Variants in RSPO2 observed in about 807,000 individuals in gnomAD.
RSPO2 encodes the protein R-spondin 2.
A neutral mutation model predicts 30.9 loss-of-function variants in RSPO2; 14 were observed. The observed-to-expected ratio is 0.45, with a 90% CI of 0.30 to 0.71. RSPO2 has a LOEUF of 0.71. RSPO2 is among the 30% of genes least tolerant of loss of function. The pLI, the probability that RSPO2 is intolerant of heterozygous loss-of-function variation, is 0.08. For synonymous variants in RSPO2, 107 were observed against 96.4 expected (o/e 1.11, Z -0.64); for missense variants, 264 against 301.9 (o/e 0.87, Z 0.93).
chr8:107,997,309 A>C (rs1164198257), intron 2 of RSPO2: 7 of 155,806 alleles, frequency 4.5e-5, no homozygotes, highest in Non-Finnish European at 9.9e-5. Flanking sequence ...CATAAGTTGA[A>C]TGGCTCTGCC....
At chr8:107,951,146 C>G (rs1813233677) in intron 5 of RSPO2, among the ~76,000 whole-genome samples, 1 of 151,764 alleles carries the variant, frequency 6.6e-6, no homozygotes, top group South Asian at 2.1e-4. Context: ...AGCTCCACCT[C>G]CTGGGTTCAA....
In RSPO2 at chr8:107,987,507, G is replaced by T. The variant is rs552584743; in HGVS notation, c.283+1549C>A. 6.6e-5 allele frequency among the ~76,000 whole-genome samples: 10 copies of T among 152,192 alleles called. No individual in the cohort carries two copies. The East Asian group carries it at 7.7e-4, about 12-fold the overall frequency. ...ATGGTTTTCATCCAGCTACTGTACTGCTCTTCCACGAAGTGTTTAAAAATG... is the reference window on the plus strand; with the variant it reads ...ATGGTTTTCATCCAGCTACTGTACTTCTCTTCCACGAAGTGTTTAAAAATG... On this transcript the variant is annotated intron_variant, in intron 3 of 5. Coordinates refer to ENST00000276659, the MANE Select transcript of RSPO2 (RefSeq NM_178565.5).
At chr8:107,966,546 G>T (rs569503737) in intron 3 of RSPO2, among the ~76,000 whole-genome samples, 1 of 152,172 alleles carries the variant, frequency 6.6e-6, no homozygotes, top group African/African-American at 2.4e-5. Flanking sequence ...ACAATCCGGG[G>T]AGTGGAGTTA....
At chr8:107,988,281 T>TA (rs967648949) in intron 3 of RSPO2, among the ~76,000 whole-genome samples, 41 of 150,538 alleles carry the variant, frequency 2.7e-4, no homozygotes, top group Admixed American at 6.0e-4. Context: ...TAATGGTACT[T>TA]AAAAAAAAAC....
chr8:107,989,373 C>A, intron 2 of RSPO2, 129 bp from the exon 3 acceptor site: 3 of 604,094 alleles, frequency 5.0e-6, no homozygotes. Context: ...AATAAAATAT[C>A]CCTCCCCTTC....
intron 2 of RSPO2, among the ~76,000 whole-genome samples, chr8:107,999,390 A>T (rs1815150272): frequency 2.0e-5 from 3 of 151,948 alleles, no homozygotes; most frequent in African/African-American, 7.3e-5. Context: ...TCTCCTATTA[A>T]AATATGTATT....
chr8:107,958,300 AC>A (rs1217995812), intron 4 of RSPO2, 32 bp from the exon 5 acceptor site: 1 of 1,552,910 alleles, frequency 6.4e-7, no homozygotes, highest in African/African-American at 1.4e-5. Flanking sequence ...AGAAAAAAAA[AC>A]ACAAGCACAT....
chr8:108,063,154 T>C (rs945604484), intron 2 of RSPO2, among the ~76,000 whole-genome samples: 4 of 151,742 alleles, frequency 2.6e-5, no homozygotes, highest in Non-Finnish European at 4.4e-5. Context: ...CCACTCCTAT[T>C]CAAAATAGTG....
In RSPO2 at chr8:108,017,131, C is replaced by G. The variant is rs193270107; in HGVS notation, c.95-27887G>C. Among the ~76,000 whole-genome samples, 179 of 152,070 alleles carry G rather than the reference C, an allele frequency of 1.2e-3. 1 individual carries two copies. The highest frequency in any genetic ancestry group is 4.1e-3 in the African/African-American group (171 of 41,486). On this transcript the variant is annotated intron_variant, in intron 2 of 5. Coordinates refer to ENST00000276659, the MANE Select transcript of RSPO2 (RefSeq NM_178565.5). ...TCCCAGGTTCACACCATTCTCCTGC[C>G]TCAGCCTCCCGAGTAGCTGGGACTA...
intron 2 of RSPO2, among the ~76,000 whole-genome samples, chr8:107,999,184 T>TTTG (rs140846617): frequency 0.011 from 1,583 of 150,272 alleles, 22 homozygotes; most frequent in African/African-American, 0.035. Context: ...CTCATATTAA[T>TTTG]TTATCTAACA....
intron 2 of RSPO2, among the ~76,000 whole-genome samples, chr8:108,042,580 T>TA (rs754313035): frequency 7.9e-5 from 12 of 151,768 alleles, no homozygotes; most frequent in South Asian, 4.2e-4. Context: ...GAACTAGCTG[T>TA]AAAAAAAAGA....
At chr8:107,935,871 G>T (rs1041487882) in intron 5 of RSPO2, among the ~76,000 whole-genome samples, 1 of 152,056 alleles carries the variant, frequency 6.6e-6, no homozygotes, top group Non-Finnish European at 1.5e-5. Context: ...CTGAATATTT[G>T]TTACATGCAT....
chr8:107,981,390 G>A (rs1358944592), intron 3 of RSPO2, among the ~76,000 whole-genome samples: 9 of 151,720 alleles, frequency 5.9e-5, no homozygotes, highest in South Asian at 2.1e-4. Flanking sequence ...GCATCGTGGC[G>A]TGCGCCTGTA....
At chr8:107,949,627 A>G (rs1374711001) in intron 5 of RSPO2, among the ~76,000 whole-genome samples, 2 of 152,212 alleles carry the variant, frequency 1.3e-5, no homozygotes, top group African/African-American at 4.8e-5. Context: ...TCTCAGAAAC[A>G]GAAAACTCTT....
chr8:107,933,940 A>T (rs1812633976), intron 5 of RSPO2, among the ~76,000 whole-genome samples: 1 of 152,192 alleles, frequency 6.6e-6, no homozygotes, highest in African/African-American at 2.4e-5. Context: ...TATTTTTTAA[A>T]CCTGTTAAGG....
At chr8:107,958,604 T>C (rs994812798) in intron 4 of RSPO2, among the ~76,000 whole-genome samples, 2 of 152,210 alleles carry the variant, frequency 1.3e-5, no homozygotes, top group African/African-American at 4.8e-5. Context: ...TAGGTAAACA[T>C]GTGCCATGGT....
At chr8:108,039,817 G>A (rs1586650159) in intron 2 of RSPO2, among the ~76,000 whole-genome samples, 1 of 152,176 alleles carries the variant, frequency 6.6e-6, no homozygotes. Context: ...CGAATGTGAT[G>A]GTATCTGAAG....
At chr8:107,949,053 T>A (rs1169958621) in intron 5 of RSPO2, among the ~76,000 whole-genome samples, 1 of 150,574 alleles carries the variant, frequency 6.6e-6, no homozygotes, top group African/African-American at 2.5e-5. Context: ...GAACAGGTGG[T>A]TTTTGGTTAC....
At chr8:108,054,621 A>G (rs540429830) in intron 2 of RSPO2, among the ~76,000 whole-genome samples, 2 of 152,340 alleles carry the variant, frequency 1.3e-5, no homozygotes, top group Non-Finnish European at 1.5e-5. Context: ...ACAGGAACAA[A>G]GAAAATTCTA....
Sources: gnomAD v4.1 joint callset for allele counts (sites outside exome capture counted in the v4.1 genomes callset) on GRCh38, gnomAD v4.1.1 for gene constraint, MANE v1.5 for transcripts, NCBI Gene and HGNC (gene_info 2026-07-23, HGNC 2026-07-21) for gene names.